The following TTBK2 variants were observed in gnomAD, a reference collection of about 807,000 sequenced individuals.
TTBK2 encodes the protein tau-tubulin kinase 2.
TTBK2 carries 28 observed loss-of-function variants against 110.8 expected under a neutral mutation model. That is an observed-to-expected ratio of 0.25 (90% CI 0.19 to 0.35). The LOEUF (loss-of-function observed/expected upper bound fraction) is 0.35. TTBK2 is among the 10% of genes least tolerant of loss of function. TTBK2 has a pLI of 1.00. For synonymous variants in TTBK2, 532 were observed against 527.3 expected (o/e 1.01, Z -0.12); for missense variants, 1,369 against 1,500.3 (o/e 0.91, Z 1.45).
At chr15:42,871,538 A>G (rs893358082) in intron 3 of TTBK2, 2 of 985,288 alleles carry the variant, frequency 2.0e-6, no homozygotes, top group African/African-American at 3.5e-5. Context: ...GGCTTGGCTG[A>G]TAGTAAAACA....
intron 13 of TTBK2, among the ~76,000 whole-genome samples, chr15:42,761,759 G>A (rs779378004): frequency 6.6e-5 from 10 of 152,152 alleles, no homozygotes; most frequent in African/African-American, 9.7e-5. Flanking sequence ...TATCACCCCA[G>A]TAAAAATGGC....
chr15:42,917,348 G>T (rs1007470397), intron 1 of TTBK2, among the ~76,000 whole-genome samples: 5 of 151,902 alleles, frequency 3.3e-5, no homozygotes, highest in African/African-American at 1.2e-4. Context: ...TACTAAGAAG[G>T]CTATTTAAAA....
In TTBK2 at chr15:42,763,151, T is replaced by TATACAC. The variant is rs1330176027; in HGVS notation, c.1999-9905_1999-9904insGTGTAT. On this transcript the variant is annotated intron_variant, in intron 13 of 14. Transcript: ENST00000267890. ...ATATACATATATACATACATATATA[T>TATACAC]ATATACATATATATATATATATATA... Among the ~76,000 whole-genome samples the TATACAC allele has an allele frequency of 7.8e-4, 47 of 60,406 alleles. 2 individuals carry two copies. Among genetic ancestry groups the TATACAC allele is most frequent in the African/African-American group, 3.1e-3 (27 of 8,680 alleles). The allele number at this position is 60,406 out of a possible 152,430, so 39.6% of individuals were successfully genotyped here. A position where few individuals can be genotyped will look rare whatever the true frequency, so the allele number is the denominator to read the frequency against.
At chr15:42,842,915 A>G (rs1242790801) in intron 3 of TTBK2, among the ~76,000 whole-genome samples, 1 of 152,190 alleles carries the variant, frequency 6.6e-6, no homozygotes, top group Non-Finnish European at 1.5e-5. Context: ...TATTTGCAAA[A>G]TAGTGTTATC....
Position 42,752,915 on chromosome 15 carries a change from A to C in TTBK2, c.2331T>G (p.Thr777=), listed in dbSNP as rs1448032640. The change falls in exon 14 of 15, where the codon ACT becomes ACG. Residue 777 remains threonine (T), a synonymous_variant. Transcript: ENST00000267890. ...VREFENLPGE[T]EEKSILLESD... ...ACTCTAAAAGGATGCTTTTCTCTTCAGTTTCCCCAGGGAGATTTTCAAATT... is the reference window on the plus strand; with the variant it reads ...ACTCTAAAAGGATGCTTTTCTCTTCCGTTTCCCCAGGGAGATTTTCAAATT... 16 of 1,614,176 alleles carry C rather than the reference A, an allele frequency of 9.9e-6. No individual in the cohort carries two copies. Among genetic ancestry groups the C allele is most frequent in the African/African-American group, 1.3e-5 (1 of 75,062 alleles).
chr15:42,768,925 G>A (rs1258605979), intron 13 of TTBK2, among the ~76,000 whole-genome samples: 2 of 152,112 alleles, frequency 1.3e-5, no homozygotes, highest in African/African-American at 4.8e-5. Context: ...ATAGACCAAT[G>A]GAACAGAGCA....
chr15:42,904,790 C>A (rs2030280678), intron 1 of TTBK2, among the ~76,000 whole-genome samples: 1 of 152,074 alleles, frequency 6.6e-6, no homozygotes, highest in Non-Finnish European at 1.5e-5. Flanking sequence ...TCTGCCATAA[C>A]CAAGTATTGA....
intron 13 of TTBK2, among the ~76,000 whole-genome samples, chr15:42,760,316 C>A (rs2062006330): frequency 7.0e-6 from 1 of 143,318 alleles, no homozygotes. Flanking sequence ...AACCAGGAGG[C>A]AGAGGTTGCA....
rs2061776661 is a variant in TTBK2, at chr15:42,745,265, G to A, written c.*530C>T. ...GGTACTAGGAATGAGGCAAAGTAAAGGTGTTCATTCTCAATACACGAAATA... is the reference window on the plus strand; with the variant it reads ...GGTACTAGGAATGAGGCAAAGTAAAAGTGTTCATTCTCAATACACGAAATA... On this transcript the variant is annotated 3_prime_UTR_variant, in exon 15 of 15. Transcript: ENST00000267890. 6.0e-6 allele frequency: 1 copy of A among 167,182 alleles called. No homozygotes were observed. Among genetic ancestry groups the A allele is most frequent in the Non-Finnish European group, 1.3e-5 (1 of 76,218 alleles). The allele number at this position is 167,182 out of a possible 1,614,324, so 10.4% of individuals were successfully genotyped here.
chr15:42,825,936 C>A (rs1330777771), intron 6 of TTBK2, among the ~76,000 whole-genome samples: 1 of 151,936 alleles, frequency 6.6e-6, no homozygotes, highest in African/African-American at 2.4e-5. Flanking sequence ...CGGTAACATG[C>A]CATTTCTTAA....
rs551917584 is a variant in TTBK2, at chr15:42,866,103, G to A, written c.217+6508C>T. Among the ~76,000 whole-genome samples, 8 of 152,188 alleles carry A rather than the reference G, an allele frequency of 5.3e-5. No homozygotes were observed. In the East Asian group the frequency reaches 1.5e-3, roughly 29 times the overall value. On this transcript the variant is annotated intron_variant, in intron 3 of 14. Transcript: ENST00000267890. ...AAAGTAAATATTGCTATATTAATTTGACAGAGCAGGCTGTATGTCAAGAAA... is the reference window on the plus strand; with the variant it reads ...AAAGTAAATATTGCTATATTAATTTAACAGAGCAGGCTGTATGTCAAGAAA...
chr15:42,754,649 G>A (rs1235042339), intron 13 of TTBK2, among the ~76,000 whole-genome samples: 8 of 144,902 alleles, frequency 5.5e-5, no homozygotes, highest in Admixed American at 2.7e-4. Context: ...CACCCACCTC[G>A]GCCTCCCAAA....
chr15:42,824,693 C>T (rs1321048999), intron 6 of TTBK2, among the ~76,000 whole-genome samples: 6 of 151,786 alleles, frequency 4.0e-5, no homozygotes, highest in African/African-American at 1.5e-4. Flanking sequence ...ACAAAGGGAA[C>T]GATGTACACT....
At chr15:42,801,446 C>T (rs115790423) in intron 9 of TTBK2, 5 of 857,484 alleles carry the variant, frequency 5.8e-6, no homozygotes, top group African/African-American at 4.9e-5. Flanking sequence ...GCCTTTGAGA[C>T]CCTCAGTCTC....
intron 1 of TTBK2, among the ~76,000 whole-genome samples, chr15:42,920,050 G>C (rs987976326): frequency 6.6e-6 from 1 of 152,212 alleles, no homozygotes; most frequent in Non-Finnish European, 1.5e-5. Flanking sequence ...AGTTGGGGAG[G>C]CGGGGTGGGA....
chr15:42,919,149 T>C (rs1409309449), intron 1 of TTBK2, among the ~76,000 whole-genome samples: 1 of 152,120 alleles, frequency 6.6e-6, no homozygotes, highest in African/African-American at 2.4e-5. Context: ...AAATCAAAGA[T>C]TTCCTTCAAT....
At chr15:42,865,522 A>T (rs1293463511) in intron 3 of TTBK2, among the ~76,000 whole-genome samples, 3 of 140,976 alleles carry the variant, frequency 2.1e-5, no homozygotes, top group African/African-American at 5.7e-5. Context: ...CTAAAAAAAA[A>T]AAAAAAACCA....
intron 6 of TTBK2, among the ~76,000 whole-genome samples, chr15:42,818,871 C>T (rs1451499550): frequency 7.4e-6 from 1 of 135,282 alleles, no homozygotes; most frequent in African/African-American, 2.7e-5. Flanking sequence ...TGCGGTGAGC[C>T]AAGATTGAGC....
At chr15:42,831,236 T>G (rs187534438) in intron 4 of TTBK2, among the ~76,000 whole-genome samples, 45 of 152,054 alleles carry the variant, frequency 3.0e-4, no homozygotes, top group Non-Finnish European at 5.3e-4. Flanking sequence ...TTTTTTTGTG[T>G]GTTTTTTGTT....
Sources: gnomAD v4.1 joint callset for allele counts (sites outside exome capture counted in the v4.1 genomes callset) on GRCh38, gnomAD v4.1.1 for gene constraint, MANE v1.5 for transcripts, NCBI Gene and HGNC (gene_info 2026-07-23, HGNC 2026-07-21) for gene names.